The following CUL7 variants were observed in gnomAD, a reference collection of about 807,000 sequenced individuals.
The protein encoded by CUL7 is cullin-7.
Under a neutral mutation model 177.7 loss-of-function variants are expected in CUL7, and 96 were observed. That is an observed-to-expected ratio of 0.54 (90% CI 0.46 to 0.64). The LOEUF (loss-of-function observed/expected upper bound fraction) is 0.64. CUL7 is among the 30% of genes least tolerant of loss of function. The probability of loss-of-function intolerance (pLI) is 0.00; values close to 1 mark genes in which losing one functional copy is unlikely to be tolerated. For synonymous variants in CUL7, 824 were observed against 890.2 expected (o/e 0.93, Z 1.32); for missense variants, 1,893 against 2,187.9 (o/e 0.87, Z 2.69).
Position 43,046,051 on chromosome 6 carries a change from T to G in CUL7, c.2701A>C (p.Met901Leu). 7 of 1,614,140 alleles carry G rather than the reference T, an allele frequency of 4.3e-6. No homozygotes were observed. Among genetic ancestry groups the G allele is most frequent in the Middle Eastern group, 1.6e-4 (1 of 6,062 alleles). ...CCGCACACCACCACTCGGGCCGGCA[T>G]GTAACTCGAGTCCTCACTAGCCACA... ...LLVASEDSSY[M>L]PARVVVCGGD... is the part of the protein sequence containing the mutation. The change falls in exon 13 of 26, where the codon ATG (methionine) becomes CTG (leucine). Residue 901 changes from methionine (M) to leucine (L), a missense_variant. Met to Leu is a conservative substitution (Grantham distance 15, BLOSUM62 2). Coordinates refer to ENST00000265348, the MANE Select transcript of CUL7 (RefSeq NM_014780.5).
chr6:43,044,540 G>A (rs1222593859), intron 16 of CUL7, among the ~76,000 whole-genome samples: 1 of 151,922 alleles, frequency 6.6e-6, no homozygotes, highest in African/African-American at 2.4e-5. Context: ...TGGGTAACAA[G>A]GCACCTCCAG....
In CUL7 at chr6:43,045,469, C is replaced by T; in HGVS notation, c.2863-67G>A. The T allele has an allele frequency of 6.2e-7, 1 of 1,613,898 alleles. No individual in the cohort carries two copies. On this transcript the variant is annotated intron_variant, in intron 14 of 25. Transcript: ENST00000265348. This position sits in a 1 kb window ranked among gnomAD's most constrained non-coding sequence, Gnocchi z 4.8. ...GGGATGGGCTGGGGTCAGCTACGCC[C>T]TCGAACCTCACCCCTGGAGCTGCTC...
Position 43,053,783 on chromosome 6 carries a change from G to C in CUL7, c.-170C>G, listed in dbSNP as rs1247699774. 7.2e-6 allele frequency: 11 copies of C among 1,531,606 alleles called. No individual in the cohort carries two copies. Among genetic ancestry groups the C allele is most frequent in the Non-Finnish European group, 9.6e-6 (11 of 1,145,438 alleles). The allele number at this position is 1,531,606 out of a possible 1,614,324, so 94.9% of individuals were successfully genotyped here. A position where few individuals can be genotyped will look rare whatever the true frequency, so the allele number is the denominator to read the frequency against. On this transcript the variant is annotated 5_prime_UTR_variant, in exon 1 of 26. Transcript: ENST00000265348. This position sits in a 1 kb window ranked among gnomAD's most constrained non-coding sequence, Gnocchi z 4.1. ...CTCCGCGGAACAGAGCTGCACCCGC[G>C]TGAGTCGGCAGCCACTGGGGCAGGG...
At position 43,042,667 on chromosome 6, in the gene CUL7, A is replaced by T. The variant is rs563739057; in HGVS notation, c.3645+135T>A. The T allele has an allele frequency of 1.4e-3, 948 of 673,616 alleles. 4 individuals are homozygous for T. The highest frequency in any genetic ancestry group is 4.4e-3 in the Middle Eastern group (11 of 2,518). The allele number at this position is 673,616 out of a possible 1,614,324, so 41.7% of individuals were successfully genotyped here. Reference sequence around the variant, plus strand: ...CTATTTATTTTTTTCAATTTTTTAAACTTCTTATAACATGGCTATATACTA... The same window carrying T: ...CTATTTATTTTTTTCAATTTTTTAATCTTCTTATAACATGGCTATATACTA... On this transcript the variant is annotated intron_variant, in intron 19 of 25. Transcript: ENST00000265348.
At position 43,052,797 on chromosome 6, in the gene CUL7, C is replaced by T. The variant is rs1446510807; in HGVS notation, c.-8-1G>A. On this transcript the variant is annotated splice_acceptor_variant, in intron 1 of 25. Coordinates refer to ENST00000265348, the MANE Select transcript of CUL7 (RefSeq NM_014780.5). LOFTEE classifies it low-confidence loss of function (5UTR_SPLICE). This position sits in a 1 kb window ranked among gnomAD's most constrained non-coding sequence, Gnocchi z 4.5. ...CGGAGTTCTCCCACCATCCTGGCAC[C>T]TGGAGCACACAAGGAAAAGAGAACA... 3 of 1,601,940 alleles carry T rather than the reference C, an allele frequency of 1.9e-6. No homozygotes were observed. The Admixed American group carries it at 5.0e-5, about 27-fold the overall frequency.
At position 43,038,335 on chromosome 6, in the gene CUL7, A is replaced by T; in HGVS notation, c.4705T>A (p.Cys1569Ser). The T allele has an allele frequency of 1.2e-6, 2 of 1,614,170 alleles. No individual in the cohort carries two copies. Among genetic ancestry groups the T allele is most frequent in the Non-Finnish European group, 1.7e-6 (2 of 1,180,028 alleles). Residue 1569 changes from cysteine to serine, a missense_variant, in exon 25 of 26, where the codon TGC becomes AGC. Physicochemically the swap from Cys to Ser is moderately radical, Grantham distance 112 (BLOSUM62 -1). Coordinates refer to ENST00000265348, the MANE Select transcript of CUL7 (RefSeq NM_014780.5). ...NLEKRRNLLN[C>S]LIVRILKAHG... ...GCCTTGAGGATTCGGACGATGAGGC[A>T]GTTCAGAAGATTCCGTCTCTTCTCC... is the stretch of plus-strand genomic sequence containing the variant.
chr6:43,045,281 G>A lies in CUL7; in HGVS notation c.2984C>T (p.Ala995Val). The A allele has an allele frequency of 6.2e-7, 1 of 1,614,208 alleles. No homozygotes were observed. The highest frequency in any genetic ancestry group is 8.5e-7 in the Non-Finnish European group (1 of 1,180,030). The change falls in exon 15 of 26, where the codon GCC becomes GTC. Residue 995 changes from alanine (A) to valine (V), a missense_variant. Coordinates refer to ENST00000265348, the MANE Select transcript of CUL7 (RefSeq NM_014780.5). This position sits in a 1 kb window ranked among gnomAD's most constrained non-coding sequence, Gnocchi z 4.8. ...TRLFYMVRAQ[A>V]WSQDMAEDRR... ...GTCCTCTGCCATGTCCTGGCTCCAG[G>A]CCTGTGCCCGAACCATGTAGAAGAG... is the stretch of plus-strand genomic sequence containing the variant.
Position 43,050,281 on chromosome 6 carries a change from C to G in CUL7, c.1351G>C (p.Ala451Pro), listed in dbSNP as rs774151347. Residue 451 changes from alanine to proline, a missense_variant, in exon 5 of 26, where the codon GCC (alanine) becomes CCC (proline). By Grantham distance (27) the Ala-to-Pro change is conservative. Transcript: ENST00000265348. This position sits in a 1 kb window ranked among gnomAD's most constrained non-coding sequence, Gnocchi z 4.1. ...VEADEYQGAV[A>P]SRVLGRALPA... Reference sequence around the variant, plus strand: ...TCACCTCTACCCAGGACTCTACTGGCCACTGCCCCTTGGTACTCATCAGCC... The same window carrying G: ...TCACCTCTACCCAGGACTCTACTGGGCACTGCCCCTTGGTACTCATCAGCC... 1.2e-6 allele frequency: 2 copies of G among 1,614,218 alleles called. No individual in the cohort carries two copies. The highest frequency in any genetic ancestry group is 8.5e-7 in the Non-Finnish European group (1 of 1,180,034).
rs561467388 is a variant in CUL7 at position 43,037,664 on chromosome 6, CT to C, written c.*23del. 40 of 1,543,484 alleles carry C rather than the reference CT, an allele frequency of 2.6e-5. No individual in the cohort carries two copies. The highest frequency in any genetic ancestry group is 3.0e-5 in the Non-Finnish European group (34 of 1,139,844). ...ATTTCTGTAAAAGCTCCAGCTCTACCTTCCCCTGACCCCAAGTCTAGGGCTA... is the reference window on the plus strand; with the variant it reads ...ATTTCTGTAAAAGCTCCAGCTCTACCTCCCCTGACCCCAAGTCTAGGGCTA... On this transcript the variant is annotated 3_prime_UTR_variant, in exon 26 of 26. Coordinates refer to ENST00000265348, the MANE Select transcript of CUL7 (RefSeq NM_014780.5).
Position 43,053,744 on chromosome 6 carries a change from G to C in CUL7, c.-131C>G, listed in dbSNP as rs1172392995. ...CGCGAGGGGGTCGAGACGGAGAGAC[G>C]GGAGGGGGCGTGCCTCCGCGGAACA... On this transcript the variant is annotated 5_prime_UTR_variant, in exon 1 of 26. Transcript: ENST00000265348. This position sits in a 1 kb window ranked among gnomAD's most constrained non-coding sequence, Gnocchi z 4.1. The C allele has an allele frequency of 2.7e-6, 4 of 1,491,426 alleles. No individual in the cohort carries two copies. The highest frequency in any genetic ancestry group is 2.7e-6 in the Non-Finnish European group (3 of 1,123,160). The allele number at this position is 1,491,426 out of a possible 1,614,324, so 92.4% of individuals were successfully genotyped here.
chr6:43,047,645 C>A (rs889918674), intron 9 of CUL7, among the ~76,000 whole-genome samples: 2 of 152,220 alleles, frequency 1.3e-5, no homozygotes, highest in African/African-American at 4.8e-5. Flanking sequence ...CAGGACTTCT[C>A]TGTAGCTCTT....
chr6:43,044,497 CAA>C (rs35607536), intron 16 of CUL7, among the ~76,000 whole-genome samples: 40 of 133,348 alleles, frequency 3.0e-4, no homozygotes, highest in African/African-American at 3.9e-4. Flanking sequence ...AAATCTGTCT[CAA>C]AAAAAAAAAA....
chr6:43,050,985 C>T lies in CUL7; in HGVS notation c.1216G>A (p.Gly406Ser), dbSNP rs752434919. 8 of 1,614,148 alleles carry T rather than the reference C, an allele frequency of 5.0e-6. No individual in the cohort carries two copies. The highest frequency in any genetic ancestry group is 3.3e-5 in the Admixed American group (2 of 60,018). The change falls in exon 4 of 26, where the codon GGT becomes AGT. Residue 406 changes from glycine to serine, a missense_variant. Transcript: ENST00000265348. The surrounding 1 kb of genome is among the most constrained non-coding windows in gnomAD (Gnocchi z 4.1). The stretch of plus-strand genomic sequence containing the variant: ...CCACTCACCTGCACAGGAGGCACAC[C>T]GTTGTTGCTCTGCCGAAACTCGCCC... Reference protein sequence around the residue: ...DEGEFRQSNNGVPPVQVFWES... With the variant: ...DEGEFRQSNNSVPPVQVFWES...
In CUL7 at chr6:43,051,450, A is replaced by C. The variant is rs1764403521; in HGVS notation, c.751T>G (p.Phe251Val). ...TGCAAATACCGCTTCACCAGGGAGA[A>C]GAGCACCCTTCCTGGGACCTGTGGG... The part of the protein sequence containing the change: ...QLPQVPGRVL[F>V]SLVKRYLHVT... Residue 251 changes from phenylalanine (F) to valine (V), a missense_variant, in exon 4 of 26, where the codon TTC (phenylalanine) becomes GTC (valine). Physicochemically the swap from Phe to Val is conservative, Grantham distance 50. Coordinates refer to ENST00000265348, the MANE Select transcript of CUL7 (RefSeq NM_014780.5). The surrounding 1 kb of genome is among the most constrained non-coding windows in gnomAD (Gnocchi z 5.0). 6.2e-7 allele frequency: 1 copy of C among 1,614,038 alleles called. No individual in the cohort carries two copies. Among genetic ancestry groups the C allele is most frequent in the East Asian group, 2.2e-5 (1 of 44,892 alleles).
intron 16 of CUL7, among the ~76,000 whole-genome samples, chr6:43,044,192 C>T (rs1422555875): frequency 6.6e-6 from 1 of 152,174 alleles, no homozygotes; most frequent in East Asian, 1.9e-4. Context: ...CATGGTGGCC[C>T]ATGCCTGTAA....
chr6:43,043,519 C>T lies in CUL7; in HGVS notation c.3284G>A (p.Arg1095His), dbSNP rs188419107. 77 of 1,614,042 alleles carry T rather than the reference C, an allele frequency of 4.8e-5. No homozygotes were observed. The highest frequency in any genetic ancestry group is 2.7e-4 in the Admixed American group (16 of 60,016). ...RGPAFFSRVR[R>H]LTHLLVHVEP... ...GACATGCACCAGCAGGTGAGTGAGA[C>T]GGCGCACCCGCGAGAAGAAAGCTGG... Residue 1095 changes from arginine to histidine, a missense_variant, in exon 17 of 26, where the codon CGT (arginine) becomes CAT (histidine). Coordinates refer to ENST00000265348, the MANE Select transcript of CUL7 (RefSeq NM_014780.5). This position sits in a 1 kb window ranked among gnomAD's most constrained non-coding sequence, Gnocchi z 4.2.
In CUL7 at chr6:43,046,995, T is replaced by C. The variant is rs1258839262; in HGVS notation, c.2282A>G (p.Lys761Arg). The change falls in exon 10 of 26, where the codon AAG becomes AGG. Residue 761 changes from lysine (K) to arginine (R), a missense_variant. By Grantham distance (26) the Lys-to-Arg change is conservative (BLOSUM62 2). This residue lies in a region of CUL7 where 973 missense variants were observed against 1,140.9 expected (regional missense o/e 0.85). Transcript: ENST00000265348. The part of the protein sequence containing the change: ...ARDAISKALE[K>R]HLGKLELAQE... ...AGCCAGCTCCAGCTTTCCCAGGTGC[T>C]TTTCCAGGGCCTTGGAGATAGCGTC... The C allele has an allele frequency of 6.2e-7, 1 of 1,612,702 alleles. No homozygotes were observed. The highest frequency in any genetic ancestry group is 1.1e-5 in the South Asian group (1 of 91,044).
In CUL7 at chr6:43,038,584, G is replaced by A; in HGVS notation, c.4549C>T (p.Gln1517Ter). ...TGCATACCTCCTGGTATATCCTTTTGCTCGTGAAGGTCCAGGGGGCCTCTT... is the reference window on the plus strand; with the variant it reads ...TGCATACCTCCTGGTATATCCTTTTACTCGTGAAGGTCCAGGGGGCCTCTT... ...SSRGPLDLHE[Q>*]KDIPGGVLKI... Residue 1517 changes from glutamine to a stop codon, truncating the protein, a stop_gained, in exon 24 of 26, where the codon CAA (glutamine) becomes TAA (stop). Transcript: ENST00000265348. LOFTEE classifies it high-confidence loss of function. 1.2e-6 allele frequency: 2 copies of A among 1,614,090 alleles called. No homozygotes were observed. The highest frequency in any genetic ancestry group is 1.7e-6 in the Non-Finnish European group (2 of 1,179,992).
At chr6:43,049,299 T>A (rs1237197444) in intron 7 of CUL7, 108 bp downstream of exon 7, 1 of 1,447,692 alleles carries the variant, frequency 6.9e-7, no homozygotes, top group Non-Finnish European at 9.6e-7. Context: ...TTGCAGCTTC[T>A]AAGGTGGCAT....
Sources: gnomAD v4.1 joint callset for allele counts (sites outside exome capture counted in the v4.1 genomes callset) on GRCh38, gnomAD v4.1.1 for gene constraint, gnomAD v4.1.1 regional missense constraint, Gnocchi (gnomAD v3.1) non-coding constraint, MANE v1.5 for transcripts, NCBI Gene and HGNC (gene_info 2026-07-23, HGNC 2026-07-21) for gene names.